TP53BP1: variants seen among roughly 807,000 people sequenced by gnomAD.
TP53BP1 encodes TP53-binding protein 1.
In TP53BP1, 61 loss-of-function variants were observed where a neutral mutation model predicts 200.8. The ratio of observed to expected loss-of-function variants is 0.30; its 90% CI spans 0.25 to 0.38. The LOEUF (loss-of-function observed/expected upper bound fraction) is 0.38. TP53BP1 is among the 10% of genes least tolerant of loss of function. The pLI, the probability that TP53BP1 is intolerant of heterozygous loss-of-function variation, is 1.00. For missense variants in TP53BP1, 2,144 were observed against 2,371.9 expected, an observed-to-expected ratio of 0.90 and a Z score of 2.00; for synonymous variants, 822 against 844.3, an observed-to-expected ratio of 0.97 and a Z score of 0.46.
chr15:43,492,497 C>G (rs2079140318), intron 1 of TP53BP1, 29 bp from the exon 2 acceptor site: 2 of 1,590,240 alleles, frequency 1.3e-6, no homozygotes, highest in African/African-American at 2.7e-5. Flanking sequence ...AGATCAGTTC[C>G]GTGTAACCTA....
chr15:43,415,040 GGCCTAA>G (rs1201544190), intron 23 of TP53BP1, among the ~76,000 whole-genome samples: 3 of 151,964 alleles, frequency 2.0e-5, no homozygotes, highest in Non-Finnish European at 4.4e-5. Flanking sequence ...AAAGCTAGAG[GGCCTAA>G]GCACAAGAGA....
chr15:43,422,727 C>T (rs2045433166), intron 18 of TP53BP1, among the ~76,000 whole-genome samples: 1 of 152,152 alleles, frequency 6.6e-6, no homozygotes, highest in Non-Finnish European at 1.5e-5. Context: ...GGTGTGGTGG[C>T]TCACGCCTGT....
upstream of TP53BP1, chr15:43,493,280 A>C: frequency 2.2e-6 from 3 of 1,363,970 alleles, no homozygotes; most frequent in Non-Finnish European, 2.9e-6. Flanking sequence ...AGAAAAAGGA[A>C]CACGGCGGCG....
intron 21 of TP53BP1, chr15:43,416,759 C>G (rs545336366): frequency 1.9e-4 from 35 of 184,042 alleles, no homozygotes; most frequent in Admixed American, 3.5e-4. Context: ...ATTATAACTT[C>G]TAAACATTTC....
intron 4 of TP53BP1, among the ~76,000 whole-genome samples, chr15:43,481,506 C>G (rs2078966298): frequency 6.8e-6 from 1 of 147,856 alleles, no homozygotes; most frequent in African/African-American, 2.5e-5. Flanking sequence ...TTATTTTTTA[C>G]TTATTTTTTT....
At chr15:43,493,277 G>A, upstream of TP53BP1, 1 of 1,370,360 alleles carries the variant, frequency 7.3e-7, no homozygotes, top group African/African-American at 1.5e-5. Flanking sequence ...GTAAGAAAAA[G>A]GAACACGGCG....
chr15:43,491,891 A>T (rs1425640086), intron 3 of TP53BP1, 111 bp downstream of exon 3: 5 of 1,083,934 alleles, frequency 4.6e-6, no homozygotes, highest in Non-Finnish European at 7.1e-6. Flanking sequence ...CAGATACCAC[A>T]GTAGGCTTCC....
intron 21 of TP53BP1, among the ~76,000 whole-genome samples, chr15:43,419,621 TC>T (rs1286139763): frequency 7.4e-6 from 1 of 135,916 alleles, no homozygotes; most frequent in Admixed American, 8.0e-5. Context: ...CCTCAAGTGA[TC>T]CCCCTGCTTT....
intron 1 of TP53BP1, 25 bp downstream of exon 1, chr15:43,493,012 A>C (rs914080431): frequency 6.2e-7 from 1 of 1,606,310 alleles, no homozygotes; most frequent in Non-Finnish European, 8.5e-7. Flanking sequence ...AGCCCACTGC[A>C]CTCCCATTTC....
chr15:43,483,384 C>G (rs1381961591), intron 4 of TP53BP1, among the ~76,000 whole-genome samples: 1 of 151,892 alleles, frequency 6.6e-6, no homozygotes, highest in Admixed American at 6.6e-5. Flanking sequence ...TGTTTTTAAG[C>G]AAAACATCAG....
At chr15:43,462,719 T>TG (rs1465593983) in intron 11 of TP53BP1, among the ~76,000 whole-genome samples, 1 of 152,168 alleles carries the variant, frequency 6.6e-6, no homozygotes, top group Non-Finnish European at 1.5e-5. Context: ...TATAAATACC[T>TG]TTTTTTAAAT....
rs983909458 is a variant in TP53BP1, at chr15:43,404,810, G to T, written c.*2573C>A. On this transcript the variant is annotated 3_prime_UTR_variant, in exon 28 of 28. Coordinates refer to ENST00000382044, the MANE Select transcript of TP53BP1 (RefSeq NM_001141980.3). ...TTGCTAGGTTATGTATTGCTATGCT[G>T]GGAGGCAGTGGGCCTTCCACTCCCA... 1.0e-5 allele frequency: 5 copies of T among 494,212 alleles called. No homozygotes were observed. The South Asian group carries it at 1.4e-4, about 14-fold the overall frequency. 30.6% of individuals were successfully genotyped at this position (494,212 alleles called of 1,614,324 possible).
chr15:43,482,222 C>T lies in TP53BP1; in HGVS notation c.372-1200G>A, dbSNP rs188865345. Among the ~76,000 whole-genome samples, 435 of 151,812 alleles carry T rather than the reference C, an allele frequency of 2.9e-3. 5 individuals are homozygous for T. The highest frequency in any genetic ancestry group is 0.02 in the Middle Eastern group (6 of 294). On this transcript the variant is annotated intron_variant, in intron 4 of 27. Coordinates refer to ENST00000382044, the MANE Select transcript of TP53BP1 (RefSeq NM_001141980.3). ...CCAGCCTGGGCGACAGAGCGAGACTCCACCTCAAAAAACAACAACAACAAC... is the reference window on the plus strand; with the variant it reads ...CCAGCCTGGGCGACAGAGCGAGACTTCACCTCAAAAAACAACAACAACAAC...
intron 18 of TP53BP1, among the ~76,000 whole-genome samples, 170 bp from the exon 19 acceptor site, chr15:43,422,296 G>C (rs565670165): frequency 1.4e-4 from 21 of 151,914 alleles, no homozygotes; most frequent in Admixed American, 3.9e-4. Flanking sequence ...GTAGTGGTTA[G>C]ATAAAATTTT....
At chr15:43,465,958 C>T (rs981828589) in intron 11 of TP53BP1, among the ~76,000 whole-genome samples, 4 of 152,152 alleles carry the variant, frequency 2.6e-5, no homozygotes, top group African/African-American at 9.7e-5. Flanking sequence ...GCTGACCTGA[C>T]CCTCACACTT....
intron 11 of TP53BP1, among the ~76,000 whole-genome samples, chr15:43,460,860 CA>C (rs35104408): frequency 7.4e-4 from 98 of 133,086 alleles, no homozygotes; most frequent in Middle Eastern, 3.9e-3. Flanking sequence ...CTGTCTCTAC[CA>C]AAAAAAAAAA....
intron 1 of TP53BP1, among the ~76,000 whole-genome samples, chr15:43,498,964 C>T (rs753169227): frequency 8.6e-5 from 13 of 151,650 alleles, no homozygotes; most frequent in Non-Finnish European, 1.9e-4. Flanking sequence ...AGAAATCAGA[C>T]CCAGGATGGT....
intron 1 of TP53BP1, among the ~76,000 whole-genome samples, chr15:43,503,832 A>T (rs773748509): frequency 2.6e-5 from 4 of 152,156 alleles, no homozygotes; most frequent in Non-Finnish European, 4.4e-5. Context: ...TGTGGATTCA[A>T]CCAACCATGA....
At chr15:43,445,840 A>C (rs1481788800) in intron 14 of TP53BP1, among the ~76,000 whole-genome samples, 1 of 152,212 alleles carries the variant, frequency 6.6e-6, no homozygotes, top group Admixed American at 6.5e-5. Flanking sequence ...GGAGAACAGA[A>C]TATGGGAAAT....
Sources: gnomAD v4.1 joint callset for allele counts (sites outside exome capture counted in the v4.1 genomes callset) on GRCh38, gnomAD v4.1.1 for gene constraint, MANE v1.5 for transcripts, NCBI Gene and HGNC (gene_info 2026-07-23, HGNC 2026-07-21) for gene names.